YIPF7: variants seen among roughly 807,000 people sequenced by gnomAD.
YIPF7 encodes Yip1 domain family member 7, also known as protein YIPF7.
YIPF7 carries 35 observed loss-of-function variants against 27.2 expected under a neutral mutation model. The ratio of observed to expected loss-of-function variants is 1.29; its 90% CI spans 0.98 to 1.70. The LOEUF (loss-of-function observed/expected upper bound fraction) is 1.70, where lower values mean the gene tolerates loss of function less well. Ranked by LOEUF, YIPF7 falls within the 40% of genes most tolerant of loss-of-function variation. The pLI is 0.00. For missense variants in YIPF7, 358 were observed against 303.7 expected, an observed-to-expected ratio of 1.18 and a Z score of -1.33; for synonymous variants, 137 against 110.4, an observed-to-expected ratio of 1.24 and a Z score of -1.51.
At chr4:44,634,577 TA>T (rs1308150801) in intron 3 of YIPF7, among the ~76,000 whole-genome samples, 3 of 151,982 alleles carry the variant, frequency 2.0e-5, no homozygotes, top group Non-Finnish European at 4.4e-5. Flanking sequence ...AAAAAGAATA[TA>T]ATACTTAAGT....
rs115846023 is a variant in YIPF7, at chr4:44,649,649, C to G, written c.116+336G>C. The stretch of plus-strand genomic sequence containing the variant: ...AAAAAAATAGCCAGGCATGGTGGCA[C>G]ACGCCTATAATCCTAGCTACATGCG... On this transcript the variant is annotated intron_variant, in intron 2 of 5. Transcript: ENST00000415895. Among the ~76,000 whole-genome samples the G allele has an allele frequency of 1.6e-3, 241 of 151,476 alleles. 1 individual carries two copies. Among genetic ancestry groups the G allele is most frequent in the African/African-American group, 5.6e-3 (233 of 41,322 alleles).
intron 2 of YIPF7, among the ~76,000 whole-genome samples, chr4:44,638,648 G>A (rs954411865): frequency 6.6e-6 from 1 of 152,084 alleles, no homozygotes; most frequent in Non-Finnish European, 1.5e-5. Context: ...TCTACTGGCT[G>A]TCTCTTTACT....
intron 2 of YIPF7, among the ~76,000 whole-genome samples, chr4:44,647,878 T>C (rs183609456): frequency 1.3e-5 from 2 of 151,540 alleles, no homozygotes; most frequent in Admixed American, 6.6e-5. Context: ...ATCTGGAGCT[T>C]TTAAGGTGTG....
intron 2 of YIPF7, among the ~76,000 whole-genome samples, chr4:44,643,026 G>C (rs1226360088): frequency 6.6e-6 from 1 of 152,134 alleles, no homozygotes; most frequent in East Asian, 1.9e-4. Context: ...TTTGGAACTG[G>C]GTAACAGGTA....
chr4:44,631,986 G>A (rs555420837), intron 3 of YIPF7, among the ~76,000 whole-genome samples: 1 of 152,166 alleles, frequency 6.6e-6, no homozygotes, highest in South Asian at 2.1e-4. Flanking sequence ...AGATGAAAAT[G>A]CTTCACACGA....
upstream of YIPF7, among the ~76,000 whole-genome samples, chr4:44,653,125 T>C (rs1258710318): frequency 1.3e-5 from 2 of 151,998 alleles, no homozygotes; most frequent in Non-Finnish European, 2.9e-5. Flanking sequence ...GCAAAGACTT[T>C]CAGATGGCAA....
intron 3 of YIPF7, 62 bp from the exon 4 acceptor site, chr4:44,629,610 T>C (rs1712809348): frequency 1.6e-6 from 2 of 1,265,470 alleles, no homozygotes; most frequent in Non-Finnish European, 1.1e-6. Flanking sequence ...AAAAATAAGT[T>C]ACACTCTTTA....
At chr4:44,633,183 T>C (rs2109583418) in intron 3 of YIPF7, among the ~76,000 whole-genome samples, 1 of 152,310 alleles carries the variant, frequency 6.6e-6, no homozygotes, top group Non-Finnish European at 1.5e-5. Context: ...GTGGAAAAAT[T>C]GTCTTCCACA....
At chr4:44,659,061 T>C (rs1012708198) in intron 2 of YIPF7, among the ~76,000 whole-genome samples, 1 of 152,180 alleles carries the variant, frequency 6.6e-6, no homozygotes, top group Non-Finnish European at 1.5e-5. Context: ...TACTGTACTC[T>C]CCCTGTTTGC....
In YIPF7 at chr4:44,645,857, G is replaced by A. The variant is rs1713508943; in HGVS notation, c.116+4128C>T. ...ACTCATAAATACATATACATTCATT[G>A]AAAAATAGCATTTTATTTTTAAATA... On this transcript the variant is annotated intron_variant, in intron 2 of 5. Coordinates refer to ENST00000415895, the MANE Select transcript of YIPF7 (RefSeq NM_182592.3). 2.0e-5 allele frequency among the ~76,000 whole-genome samples: 3 copies of A among 151,680 alleles called. No individual in the cohort carries two copies. The South Asian group carries it at 6.2e-4, about 32-fold the overall frequency.
intron 2 of YIPF7, among the ~76,000 whole-genome samples, chr4:44,658,987 T>C (rs2109607268): frequency 6.6e-6 from 1 of 152,278 alleles, no homozygotes; most frequent in South Asian, 2.1e-4. Flanking sequence ...CACTATTATT[T>C]ATATTTATTT....
chr4:44,627,081 C>T (rs150331514), intron 4 of YIPF7, among the ~76,000 whole-genome samples: 174 of 152,116 alleles, frequency 1.1e-3, no homozygotes, highest in African/African-American at 4.0e-3. Flanking sequence ...CGCACCAGGC[C>T]CCACATCTTG....
intron 3 of YIPF7, among the ~76,000 whole-genome samples, chr4:44,631,033 T>C (rs1712875958): frequency 6.6e-6 from 1 of 152,194 alleles, no homozygotes; most frequent in East Asian, 1.9e-4. Flanking sequence ...AAGATTTACA[T>C]ACATCGGTCT....
chr4:44,644,505 G>C (rs188233261), intron 2 of YIPF7, among the ~76,000 whole-genome samples: 12 of 152,250 alleles, frequency 7.9e-5, no homozygotes, highest in Admixed American at 7.8e-4. Context: ...ACTTGCATGG[G>C]ACATTCCCTT....
At chr4:44,651,630 A>G, upstream of YIPF7, 2 of 1,577,122 alleles carry the variant, frequency 1.3e-6, no homozygotes, top group South Asian at 2.3e-5. Context: ...TCCATTGGTG[A>G]AAAGATGACA....
intron 2 of YIPF7, 105 bp from the exon 3 acceptor site, chr4:44,636,190 G>C (rs545387314): frequency 8.4e-7 from 1 of 1,184,348 alleles, no homozygotes; most frequent in South Asian, 2.0e-5. Context: ...GTTTTTATGA[G>C]TATTTACTCA....
intron 2 of YIPF7, 121 bp from the exon 3 acceptor site, chr4:44,636,206 G>A (rs1713116202): frequency 9.7e-7 from 1 of 1,033,654 alleles, no homozygotes; most frequent in Non-Finnish European, 1.3e-6. Flanking sequence ...ACTCATGAAA[G>A]AAACAACTTA....
At chr4:44,631,240 A>C (rs375177717) in intron 3 of YIPF7, among the ~76,000 whole-genome samples, 254 of 152,250 alleles carry the variant, frequency 1.7e-3, no homozygotes, top group Middle Eastern at 0.01. Flanking sequence ...ATCTACTCTC[A>C]TAATGGTTGT....
intron 2 of YIPF7, among the ~76,000 whole-genome samples, chr4:44,642,721 T>C (rs1489362149): frequency 2.0e-5 from 3 of 152,172 alleles, no homozygotes; most frequent in East Asian, 3.9e-4. Context: ...TGAGATCTGA[T>C]TGTTTAAAAG....
Sources: allele counts gnomAD v4.1 joint callset (sites outside exome capture counted in the v4.1 genomes callset), GRCh38; gene constraint gnomAD v4.1.1; transcripts MANE v1.5; gene names NCBI Gene and HGNC (gene_info 2026-07-23, HGNC 2026-07-21).